The following FAM171A1 variants were observed in gnomAD, a reference collection of about 807,000 sequenced individuals.
FAM171A1 encodes the protein protein FAM171A1.
Under a neutral mutation model 74.9 loss-of-function variants are expected in FAM171A1, and 23 were observed. The observed-to-expected ratio is 0.31, with a 90% CI of 0.22 to 0.44. The LOEUF (loss-of-function observed/expected upper bound fraction) is 0.44, where lower values mean the gene tolerates loss of function less well. Ranked by LOEUF, FAM171A1 falls within the 20% of genes least tolerant of loss-of-function variation. The pLI is 1.00. For missense variants in FAM171A1, 1,162 were observed against 1,159.2 expected (o/e 1.00, Z -0.03); for synonymous variants, 527 against 505.7 (o/e 1.04, Z -0.57).
At chr10:15,310,463 G>A (rs575286186) in intron 1 of FAM171A1, among the ~76,000 whole-genome samples, 3 of 152,212 alleles carry the variant, frequency 2.0e-5, no homozygotes, top group East Asian at 3.9e-4. Flanking sequence ...GCAGAGTACC[G>A]TGACCAACCT....
chr10:15,213,678 G>C lies in FAM171A1; in HGVS notation c.1910C>G (p.Pro637Arg). 2 of 1,613,308 alleles carry C rather than the reference G, an allele frequency of 1.2e-6. No individual in the cohort carries two copies. Among genetic ancestry groups the C allele is most frequent in the Non-Finnish European group, 8.5e-7 (1 of 1,179,514 alleles). The change falls in exon 8 of 8, where the codon CCC (proline) becomes CGC (arginine). Residue 637 changes from proline to arginine, a missense_variant. By Grantham distance (103) the Pro-to-Arg change is moderately radical. Coordinates refer to ENST00000378116, the MANE Select transcript of FAM171A1 (RefSeq NM_001010924.2). This position sits in a 1 kb window ranked among gnomAD's most constrained non-coding sequence, Gnocchi z 6.8. Reference sequence around the variant, plus strand: ...CTGAGAGATGGCCTGGGAAGACAGGGGCTGGGGCTGGATCTGTGAGGACGG... The same window carrying C: ...CTGAGAGATGGCCTGGGAAGACAGGCGCTGGGGCTGGATCTGTGAGGACGG... ...PHPSSQIQPQ[P>R]LSSQAISQQH...
At chr10:15,238,453 T>C in intron 5 of FAM171A1, among the ~76,000 whole-genome samples, 1 of 152,156 alleles carries the variant, frequency 6.6e-6, no homozygotes, top group Non-Finnish European at 1.5e-5. Context: ...TGTTCAATAA[T>C]AGTTTCATTT....
At chr10:15,308,148 C>T (rs976129775) in intron 1 of FAM171A1, among the ~76,000 whole-genome samples, 1 of 152,140 alleles carries the variant, frequency 6.6e-6, no homozygotes, top group African/African-American at 2.4e-5. Context: ...AATGTTGTCA[C>T]TCTCATGCTG....
intron 3 of FAM171A1, among the ~76,000 whole-genome samples, chr10:15,273,298 C>T (rs1420999419): frequency 7.2e-5 from 11 of 152,060 alleles, no homozygotes; most frequent in South Asian, 2.1e-4. Flanking sequence ...CTAGAAGAAA[C>T]GGATAAATTC....
At chr10:15,329,480 G>C (rs2131856885) in intron 1 of FAM171A1, among the ~76,000 whole-genome samples, 1 of 152,234 alleles carries the variant, frequency 6.6e-6, no homozygotes, top group African/African-American at 2.4e-5. Flanking sequence ...GTGAAAATTA[G>C]CCAGGCACAC....
chr10:15,285,493 T>C (rs1835024705), intron 1 of FAM171A1, among the ~76,000 whole-genome samples: 1 of 152,208 alleles, frequency 6.6e-6, no homozygotes, highest in East Asian at 1.9e-4. Flanking sequence ...TTAAGAGGAC[T>C]CTGTGATAAC....
At chr10:15,228,917 G>C (rs562686537) in intron 5 of FAM171A1, among the ~76,000 whole-genome samples, 12 of 152,178 alleles carry the variant, frequency 7.9e-5, no homozygotes, top group Non-Finnish European at 1.3e-4. Flanking sequence ...TCTTTGTCAC[G>C]TAAACACTAA....
At chr10:15,284,897 C>A in intron 1 of FAM171A1, among the ~76,000 whole-genome samples, 1 of 148,974 alleles carries the variant, frequency 6.7e-6, no homozygotes, top group Admixed American at 6.7e-5. Context: ...AAGGGAGGAC[C>A]CAAAGAGTAG....
At chr10:15,316,319 G>A (rs1247477038) in intron 1 of FAM171A1, among the ~76,000 whole-genome samples, 2 of 152,196 alleles carry the variant, frequency 1.3e-5, no homozygotes, top group African/African-American at 4.8e-5. Flanking sequence ...GAAGCACCAG[G>A]GGTGGTGCCC....
At chr10:15,320,913 C>T (rs376077752) in intron 1 of FAM171A1, among the ~76,000 whole-genome samples, 26 of 152,342 alleles carry the variant, frequency 1.7e-4, no homozygotes, top group African/African-American at 5.8e-4. Context: ...ATGCAGACAA[C>T]TTTCACTCTG....
intron 1 of FAM171A1, among the ~76,000 whole-genome samples, chr10:15,316,205 C>A (rs115627117): frequency 3.3e-4 from 51 of 152,290 alleles, no homozygotes; most frequent in African/African-American, 1.2e-3. Flanking sequence ...CAACAAGCAC[C>A]CTTGTGCACG....
chr10:15,252,641 C>T (rs1184100100), intron 4 of FAM171A1, among the ~76,000 whole-genome samples: 1 of 152,216 alleles, frequency 6.6e-6, no homozygotes, highest in Non-Finnish European at 1.5e-5. Context: ...TGTGAATTCA[C>T]TATGGGTGGA....
intron 1 of FAM171A1, among the ~76,000 whole-genome samples, chr10:15,328,477 T>C (rs900181489): frequency 6.6e-6 from 1 of 152,156 alleles, no homozygotes; most frequent in Non-Finnish European, 1.5e-5. Flanking sequence ...AACTGAGCTA[T>C]TTTGAACAAG....
intron 1 of FAM171A1, among the ~76,000 whole-genome samples, chr10:15,346,856 A>G (rs1473134572): frequency 2.0e-5 from 3 of 152,136 alleles, no homozygotes; most frequent in Admixed American, 6.6e-5. Context: ...ATCTCCAGGG[A>G]GGTAAATTAC....
intron 1 of FAM171A1, among the ~76,000 whole-genome samples, chr10:15,314,889 G>A (rs1259177685): frequency 6.6e-6 from 1 of 152,216 alleles, no homozygotes; most frequent in Non-Finnish European, 1.5e-5. Context: ...CCGCGGGGAG[G>A]AGGCTGGTTG....
In FAM171A1 at chr10:15,327,370, CTG is replaced by C. The variant is rs201266915; in HGVS notation, c.98-43267_98-43266del. Among the ~76,000 whole-genome samples the C allele has an allele frequency of 3.2e-3, 488 of 152,312 alleles. 7 individuals are homozygous for C. The highest frequency in any genetic ancestry group is 0.011 in the African/African-American group (448 of 41,568). The stretch of plus-strand genomic sequence containing the variant: ...TTCTATAAGAATGTCACAAATATGA[CTG>C]GGCACGGTGGCTCACGTCCGTTATC... On this transcript the variant is annotated intron_variant, in intron 1 of 7. Transcript: ENST00000378116.
At chr10:15,240,753 T>C in intron 5 of FAM171A1, 2 of 985,232 alleles carry the variant, frequency 2.0e-6, no homozygotes, top group Non-Finnish European at 2.4e-6. Flanking sequence ...AAACGTGATT[T>C]TGAGGCAGGG....
chr10:15,270,467 C>A (rs557413788), intron 3 of FAM171A1, among the ~76,000 whole-genome samples: 1 of 152,196 alleles, frequency 6.6e-6, no homozygotes, highest in Non-Finnish European at 1.5e-5. Context: ...CATAGCTGAA[C>A]GAAAGGCAGC....
At chr10:15,215,567 C>T (rs550261221) in intron 7 of FAM171A1, among the ~76,000 whole-genome samples, 12 of 152,200 alleles carry the variant, frequency 7.9e-5, no homozygotes, top group African/African-American at 1.9e-4. Context: ...AGTTTCACCA[C>T]GTTGGCTAGG....
Sources: gnomAD v4.1 joint callset for allele counts (sites outside exome capture counted in the v4.1 genomes callset) on GRCh38, gnomAD v4.1.1 for gene constraint, Gnocchi (gnomAD v3.1) non-coding constraint, MANE v1.5 for transcripts, NCBI Gene and HGNC (gene_info 2026-07-23, HGNC 2026-07-21) for gene names.